CCDC106: variants seen among roughly 807,000 people sequenced by gnomAD.
The protein encoded by CCDC106 is coiled-coil domain containing 106, also known as coiled-coil domain-containing protein 106.
CCDC106 carries 17 observed loss-of-function variants against 24.7 expected under a neutral mutation model. The observed-to-expected ratio is 0.69, with a 90% confidence interval of 0.47 to 1.03. The LOEUF (loss-of-function observed/expected upper bound fraction) is 1.03. CCDC106 is among the 50% of genes least tolerant of loss of function. The probability of loss-of-function intolerance (pLI) is 0.00; values close to 1 mark genes in which losing one functional copy is unlikely to be tolerated. For synonymous variants in CCDC106, 211 were observed against 161.3 expected (o/e 1.31, Z -2.34); for missense variants, 337 against 388.9 (o/e 0.87, Z 1.12).
In CCDC106 at chr19:55,649,055, C is replaced by G; in HGVS notation, c.9C>G (p.Asp3Glu). 3.7e-6 allele frequency: 6 copies of G among 1,613,606 alleles called. No homozygotes were observed. The highest frequency in any genetic ancestry group is 4.2e-6 in the Non-Finnish European group (5 of 1,180,002). The change falls in exon 1 of 5, where the codon GAC becomes GAG. Residue 3 changes from aspartate to glutamate, a missense_variant. This residue lies in a region of CCDC106 where 234 missense variants were observed against 236.5 expected (regional missense o/e 0.99). Coordinates refer to ENST00000586790, the MANE Select transcript of CCDC106 (RefSeq NM_001370470.1). MNDRSSRRRTMKD... is the reference protein window; with the variant it reads MNERSSRRRTMKD... ...CCGTAGGAAGCCGCGCCATGAATGA[C>G]CGGAGCAGTCGGAGGCGGACAAGTG...
At chr19:55,651,552 G>A (rs1475908592) in intron 4 of CCDC106, 57 bp downstream of exon 4, 5 of 1,228,086 alleles carry the variant, frequency 4.1e-6, no homozygotes, top group Non-Finnish European at 4.5e-6. Flanking sequence ...ATTGCTGTGT[G>A]TCCTTCCCAG....
At position 55,648,337 on chromosome 19, in the gene CCDC106, G is replaced by A. The variant is rs1600054809; in HGVS notation, c.-710G>A. The stretch of plus-strand genomic sequence containing the variant: ...CCCGGGCACCCGCGGGCGGGGGATG[G>A]TGGCCGCGTTTGCACCCCCGCCCTA... On this transcript the variant is annotated 5_prime_UTR_variant, in exon 1 of 5. The change creates a new upstream start codon in the 5' untranslated region. Transcript: ENST00000586790. 1 of 152,086 alleles carries A rather than the reference G, an allele frequency of 6.6e-6. No homozygotes were observed. Among genetic ancestry groups the A allele is most frequent in the African/African-American group, 2.4e-5 (1 of 41,438 alleles). The allele number at this position is 152,086 out of a possible 1,614,324, so 9.4% of individuals were successfully genotyped here.
intron 4 of CCDC106, 113 bp downstream of exon 4, chr19:55,651,608 A>C: frequency 4.2e-6 from 3 of 715,582 alleles, no homozygotes; most frequent in Admixed American, 3.1e-5. Flanking sequence ...CTGGAGAAAG[A>C]CCCACCGGGT....
Position 55,652,959 on chromosome 19 carries a change from T to A in CCDC106, c.*213T>A, listed in dbSNP as rs1600061187. ...CTTCCGCTTGGGCTGCCCAGCCCTGTCCTCGCCGGGCCCCTTCCTCCTGGA... is the reference window on the plus strand; with the variant it reads ...CTTCCGCTTGGGCTGCCCAGCCCTGACCTCGCCGGGCCCCTTCCTCCTGGA... On this transcript the variant is annotated 3_prime_UTR_variant, in exon 5 of 5. Transcript: ENST00000586790. This position sits in a 1 kb window ranked among gnomAD's most constrained non-coding sequence, Gnocchi z 5.9. The A allele has an allele frequency of 1.9e-6, 1 of 539,412 alleles. No individual in the cohort carries two copies. Among genetic ancestry groups the A allele is most frequent in the East Asian group, 3.2e-5 (1 of 30,778 alleles). 33.4% of individuals were successfully genotyped at this position (539,412 alleles called of 1,614,324 possible). A position where few individuals can be genotyped will look rare whatever the true frequency, so the allele number is the denominator to read the frequency against.
At position 55,652,581 on chromosome 19, in the gene CCDC106, C is replaced by A; in HGVS notation, c.678C>A (p.Ala226=). ...TTPIAELLIV[A]PEKLAEVGEF... The stretch of plus-strand genomic sequence containing the variant: ...CCATCGCCGAGCTGCTCATTGTGGC[C>A]CCCGAGAAGCTGGCCGAGGTGGGCG... Residue 226 remains alanine, a synonymous_variant, in exon 5 of 5, where the codon GCC becomes GCA. Transcript: ENST00000586790. The surrounding 1 kb of genome is among the most constrained non-coding windows in gnomAD (Gnocchi z 5.9). 1.2e-6 allele frequency: 2 copies of A among 1,613,462 alleles called. No homozygotes were observed. Among genetic ancestry groups the A allele is most frequent in the Non-Finnish European group, 1.7e-6 (2 of 1,179,924 alleles).
At position 55,649,459 on chromosome 19, in the gene CCDC106, C is replaced by T; in HGVS notation, c.188C>T (p.Thr63Ile). ...SALALMNSVK[T>I]QLHMALERNS... ...CTGGCTCTGATGAACAGCGTCAAGA[C>T]CCAGCTGCACATGGCTCTGGAGAGG... Residue 63 changes from threonine (T) to isoleucine (I), a missense_variant, in exon 3 of 5, where the codon ACC (threonine) becomes ATC (isoleucine). Thr to Ile is a moderately conservative substitution (Grantham distance 89, BLOSUM62 -1). Transcript: ENST00000586790. 6.2e-7 allele frequency: 1 copy of T among 1,614,114 alleles called. No homozygotes were observed. Among genetic ancestry groups the T allele is most frequent in the Non-Finnish European group, 8.5e-7 (1 of 1,179,980 alleles).
At chr19:55,651,032 C>G (rs532227273) in intron 3 of CCDC106, among the ~76,000 whole-genome samples, 5 of 152,332 alleles carry the variant, frequency 3.3e-5, no homozygotes, top group African/African-American at 1.2e-4. Flanking sequence ...GGCCCCTGGT[C>G]GGCTGCCTCC....
chr19:55,652,436 A>G lies in CCDC106; in HGVS notation c.533A>G (p.Asp178Gly). 1.3e-6 allele frequency: 2 copies of G among 1,590,764 alleles called. No homozygotes were observed. Among genetic ancestry groups the G allele is most frequent in the Non-Finnish European group, 1.7e-6 (2 of 1,165,254 alleles). ...CCCCGCCTCCACCCCTCAGTGAAGGACGCCGACGGGGTCCTCTGCCGGTAC... is the reference window on the plus strand; with the variant it reads ...CCCCGCCTCCACCCCTCAGTGAAGGGCGCCGACGGGGTCCTCTGCCGGTAC... ...PKARERQRVKDADGVLCRYKK... is the reference protein window; with the variant it reads ...PKARERQRVKGADGVLCRYKK... The change falls in exon 5 of 5, where the codon GAC (aspartate) becomes GGC (glycine). Residue 178 changes from aspartate (D) to glycine (G), a missense_variant. Physicochemically the swap from Asp to Gly is moderately conservative, Grantham distance 94. Around this residue, in one of 2 missense-constraint regions of CCDC106, gnomAD observed 103 missense variants for 152.4 expected, o/e 0.68. Transcript: ENST00000586790. The surrounding 1 kb of genome is among the most constrained non-coding windows in gnomAD (Gnocchi z 5.9).
At position 55,649,397 on chromosome 19, in the gene CCDC106, T is replaced by G; in HGVS notation, c.137-11T>G. 6.2e-7 allele frequency: 1 copy of G among 1,613,922 alleles called. No individual in the cohort carries two copies. Reference sequence around the variant, plus strand: ...TGTGACCTGGTCCCCCCACCCTCGCTGTGTCCCTAGAGCCTCCGGAGGCTG... The same window carrying G: ...TGTGACCTGGTCCCCCCACCCTCGCGGTGTCCCTAGAGCCTCCGGAGGCTG... On this transcript the variant is annotated splice_polypyrimidine_tract_variant and intron_variant, in intron 2 of 4. Transcript: ENST00000586790.
At position 55,648,670 on chromosome 19, in the gene CCDC106, C is replaced by A; in HGVS notation, c.-377C>A. ...TGGCCCGCGATGAGAGAGGGTCCTT[C>A]CCCTTCAGGCTAGGTGTCCCTGGTC... On this transcript the variant is annotated 5_prime_UTR_variant, in exon 1 of 5. Transcript: ENST00000586790. The A allele has an allele frequency of 3.1e-6, 1 of 325,326 alleles. No individual in the cohort carries two copies. Among genetic ancestry groups the A allele is most frequent in the East Asian group, 6.2e-5 (1 of 16,042 alleles). The allele number at this position is 325,326 out of a possible 1,614,324, so 20.2% of individuals were successfully genotyped here.
intron 2 of CCDC106, 25 bp from the exon 3 acceptor site, chr19:55,649,383 C>A: frequency 6.2e-7 from 1 of 1,612,958 alleles, no homozygotes; most frequent in Non-Finnish European, 8.5e-7. Flanking sequence ...GTGACCTGGT[C>A]CCCCCACCCT....
In CCDC106 at chr19:55,652,601, TG is replaced by T; in HGVS notation, c.701del (p.Gly234AlafsTer167). 1 of 1,610,538 alleles carries T rather than the reference TG, an allele frequency of 6.2e-7. No homozygotes were observed. The highest frequency in any genetic ancestry group is 1.1e-5 in the South Asian group (1 of 90,940). ...GTGGCCCCCGAGAAGCTGGCCGAGG[TG>T]GGCGAGTTCGACCCCTCCAAGGAGC... ...LIVAPEKLAEVGEFDPSKERL... is the reference protein window; with the variant it reads ...LIVAPEKLAEXGEFDPSKERL... On this transcript the variant is annotated frameshift_variant, in exon 5 of 5. Transcript: ENST00000586790. LOFTEE classifies it high-confidence loss of function. This position sits in a 1 kb window ranked among gnomAD's most constrained non-coding sequence, Gnocchi z 5.9.
At chr19:55,651,657 TTTC>T (rs200301831) in intron 4 of CCDC106, among the ~76,000 whole-genome samples, 162 bp downstream of exon 4, 1,562 of 151,758 alleles carry the variant, frequency 0.01, 16 homozygotes, top group Non-Finnish European at 0.015. Context: ...CTGGGTTTAC[TTTC>T]TTTTTTTTTT....
rs370529538 is a variant in CCDC106 at position 55,652,653 on chromosome 19, C to T, written c.750C>T (p.Cys250=). 5 of 1,613,278 alleles carry T rather than the reference C, an allele frequency of 3.1e-6. No homozygotes were observed. In the African/African-American group the frequency reaches 6.7e-5, roughly 22 times the overall value. ...GCCTGCTCGAGTACTCCCGCCGCTG[C>T]TTTCTGGCCCTGGACGACGAGACGC... ...KERLLEYSRR[C]FLALDDETLK... Residue 250 remains cysteine, a synonymous_variant, in exon 5 of 5, where the codon TGC becomes TGT. Transcript: ENST00000586790. The surrounding 1 kb of genome is among the most constrained non-coding windows in gnomAD (Gnocchi z 5.9).
chr19:55,652,839 C>A lies in CCDC106; in HGVS notation c.*93C>A. 9.1e-7 allele frequency: 1 copy of A among 1,102,396 alleles called. No homozygotes were observed. Among genetic ancestry groups the A allele is most frequent in the Non-Finnish European group, 1.3e-6 (1 of 780,004 alleles). The allele number at this position is 1,102,396 out of a possible 1,614,324, so 68.3% of individuals were successfully genotyped here. On this transcript the variant is annotated 3_prime_UTR_variant, in exon 5 of 5. Transcript: ENST00000586790. The surrounding 1 kb of genome is among the most constrained non-coding windows in gnomAD (Gnocchi z 5.9). ...CTCTCCCCGCCGCGCCCCTGCCCCTCCTCCTCGCTCCCTGGGTTGGGGGCT... is the reference window on the plus strand; with the variant it reads ...CTCTCCCCGCCGCGCCCCTGCCCCTACTCCTCGCTCCCTGGGTTGGGGGCT...
Position 55,652,965 on chromosome 19 carries a change from C to A in CCDC106, c.*219C>A. On this transcript the variant is annotated 3_prime_UTR_variant, in exon 5 of 5. Transcript: ENST00000586790. The surrounding 1 kb of genome is among the most constrained non-coding windows in gnomAD (Gnocchi z 5.9). ...CTTGGGCTGCCCAGCCCTGTCCTCG[C>A]CGGGCCCCTTCCTCCTGGAAAACCA... is the stretch of plus-strand genomic sequence containing the variant. The A allele has an allele frequency of 3.7e-6, 2 of 536,280 alleles. No homozygotes were observed. The highest frequency in any genetic ancestry group is 2.3e-5 in the South Asian group (1 of 43,444). 33.2% of individuals were successfully genotyped at this position (536,280 alleles called of 1,614,324 possible).
rs748399291 is a variant in CCDC106 at position 55,652,710 on chromosome 19, G to A, written c.807G>A (p.Lys269=). ...LKKVQALKKS[K]LLLPITYRFK... is the part of the protein sequence containing the mutation. The stretch of plus-strand genomic sequence containing the variant: ...AGGTGCAGGCGCTCAAGAAGAGCAA[G>A]CTGCTGCTGCCCATCACCTACCGCT... Residue 269 remains lysine (K), a synonymous_variant, in exon 5 of 5, where the codon AAG becomes AAA. Coordinates refer to ENST00000586790, the MANE Select transcript of CCDC106 (RefSeq NM_001370470.1). The surrounding 1 kb of genome is among the most constrained non-coding windows in gnomAD (Gnocchi z 5.9). 1.2e-6 allele frequency: 2 copies of A among 1,612,640 alleles called. No individual in the cohort carries two copies. Among genetic ancestry groups the A allele is most frequent in the Non-Finnish European group, 1.7e-6 (2 of 1,179,836 alleles).
chr19:55,652,311 C>T lies in CCDC106; in HGVS notation c.527-119C>T, dbSNP rs1475995582. On this transcript the variant is annotated intron_variant, in intron 4 of 4. Coordinates refer to ENST00000586790, the MANE Select transcript of CCDC106 (RefSeq NM_001370470.1). This position sits in a 1 kb window ranked among gnomAD's most constrained non-coding sequence, Gnocchi z 5.9. Reference sequence around the variant, plus strand: ...CTGTTGTTCTCCGTCTCCACCTGCACCGGCCCGTGCCTCTGCTCGCCGAGA... The same window carrying T: ...CTGTTGTTCTCCGTCTCCACCTGCATCGGCCCGTGCCTCTGCTCGCCGAGA... 1.2e-6 allele frequency: 1 copy of T among 821,058 alleles called. No homozygotes were observed. The highest frequency in any genetic ancestry group is 2.7e-5 in the East Asian group (1 of 37,624). The allele number at this position is 821,058 out of a possible 1,614,324, so 50.9% of individuals were successfully genotyped here.
At position 55,649,211 on chromosome 19, in the gene CCDC106, A is replaced by G; in HGVS notation, c.38A>G (p.Asp13Gly). The G allele has an allele frequency of 6.2e-7, 1 of 1,613,360 alleles. No homozygotes were observed. The highest frequency in any genetic ancestry group is 8.5e-7 in the Non-Finnish European group (1 of 1,179,292). ...DRSSRRRTMK[D>G]DETFEISIPF... ...CGGGGCCTCTCCTCTCCAGTGAAGG[A>G]CGATGAGACCTTCGAGATCTCCATT... Residue 13 changes from aspartate (D) to glycine (G), a missense_variant, in exon 2 of 5, where the codon GAC (aspartate) becomes GGC (glycine). Transcript: ENST00000586790.
Sources: allele counts gnomAD v4.1 joint callset (sites outside exome capture counted in the v4.1 genomes callset), GRCh38; gene constraint gnomAD v4.1.1; regional missense constraint gnomAD v4.1.1; non-coding constraint Gnocchi (gnomAD v3.1); transcripts MANE v1.5; gene names NCBI Gene and HGNC (gene_info 2026-07-23, HGNC 2026-07-21).